The following CAMTA1 variants were observed in gnomAD, a reference collection of about 807,000 sequenced individuals.
CAMTA1 encodes the protein calmodulin-binding transcription activator 1.
In CAMTA1, 27 loss-of-function variants were observed where a neutral mutation model predicts 170.9. The ratio of observed to expected loss-of-function variants is 0.16; its 90% CI spans 0.12 to 0.22. The LOEUF is 0.22. Among genes scored for constraint, CAMTA1 ranks in the 10% least tolerant of loss-of-function variants. The pLI is 1.00. For synonymous variants in CAMTA1, 833 were observed against 891.5 expected (o/e 0.93, Z 1.17); for missense variants, 1,619 against 2,217.2 (o/e 0.73, Z 5.42).
In CAMTA1 at chr1:7,060,614, C is replaced by A. The variant is rs1474963116; in HGVS notation, c.235-30690C>A. On this transcript the variant is annotated intron_variant, in intron 3 of 22. Transcript: ENST00000303635. ...GTTGCTTTTCTGCCTGTACACGTGT[C>A]TTAGACCCCTTGGGAAAAGCACAAG... is the stretch of plus-strand genomic sequence containing the variant. Among the ~76,000 whole-genome samples the A allele has an allele frequency of 5.3e-5, 8 of 152,304 alleles. No homozygotes were observed. The South Asian group carries it at 1.7e-3, about 32-fold the overall frequency.
At chr1:7,340,372 G>T (rs1035567391) in intron 5 of CAMTA1, among the ~76,000 whole-genome samples, 2 of 152,068 alleles carry the variant, frequency 1.3e-5, no homozygotes, top group African/African-American at 4.8e-5. Flanking sequence ...CCAGGAAAAG[G>T]CATGTGAAGT....
chr1:7,375,408 G>A (rs1574993357), intron 5 of CAMTA1, among the ~76,000 whole-genome samples: 1 of 152,190 alleles, frequency 6.6e-6, no homozygotes, highest in Non-Finnish European at 1.5e-5. Context: ...CACCTCACCA[G>A]GCAGGAGCAA....
chr1:6,981,063 G>A (rs1008204845), intron 3 of CAMTA1, among the ~76,000 whole-genome samples: 2 of 152,076 alleles, frequency 1.3e-5, no homozygotes, highest in African/African-American at 2.4e-5. Flanking sequence ...GCACAGTCTC[G>A]GTGGCTCTGA....
At chr1:7,203,052 G>T (rs1314880705) in intron 4 of CAMTA1, among the ~76,000 whole-genome samples, 1 of 152,124 alleles carries the variant, frequency 6.6e-6, no homozygotes, top group East Asian at 1.9e-4. Flanking sequence ...TTTTCTTCTA[G>T]TTGGGTGTTT....
Position 7,736,206 on chromosome 1 carries a change from A to C in CAMTA1, c.3067-138A>C. On this transcript the variant is annotated intron_variant, in intron 12 of 22. Transcript: ENST00000303635. The surrounding 1 kb of genome is among the most constrained non-coding windows in gnomAD (Gnocchi z 4.5). ...AGGCATGATCCAGCATGCCCAGCCA[A>C]TGTTTCTTTATTTTCAGTGTTTTAT... 1.3e-6 allele frequency: 1 copy of C among 780,380 alleles called. No homozygotes were observed. The highest frequency in any genetic ancestry group is 2.0e-6 in the Non-Finnish European group (1 of 489,774). The allele number at this position is 780,380 out of a possible 1,614,324, so 48.3% of individuals were successfully genotyped here.
chr1:7,156,776 C>T (rs1646910464), intron 4 of CAMTA1, among the ~76,000 whole-genome samples: 1 of 152,166 alleles, frequency 6.6e-6, no homozygotes, highest in African/African-American at 2.4e-5. Flanking sequence ...TTTCAGATGA[C>T]CCGGATGGGC....
At chr1:7,032,396 A>G (rs1426888939) in intron 3 of CAMTA1, among the ~76,000 whole-genome samples, 16 of 152,122 alleles carry the variant, frequency 1.1e-4, no homozygotes, top group Non-Finnish European at 2.4e-4. Context: ...TTTAGCGTCC[A>G]TCTTTGACTT....
chr1:7,539,714 C>A (rs2094587343), intron 6 of CAMTA1, among the ~76,000 whole-genome samples: 1 of 152,230 alleles, frequency 6.6e-6, no homozygotes, highest in African/African-American at 2.4e-5. Context: ...AGTCTGCCCA[C>A]CTCCAAGATC....
At chr1:7,747,907 T>A in intron 19 of CAMTA1, 126 bp downstream of exon 19, 1 of 32,376 alleles carries the variant, frequency 3.1e-5, no homozygotes, top group Non-Finnish European at 7.1e-5. Flanking sequence ...TTTTTGGTTG[T>A]TTTTTTTTTT....
At chr1:7,112,662 A>G (rs113194908) in intron 4 of CAMTA1, among the ~76,000 whole-genome samples, 1 of 152,142 alleles carries the variant, frequency 6.6e-6, no homozygotes, top group Non-Finnish European at 1.5e-5. Flanking sequence ...GTAGGAGCAC[A>G]TTCTGGGGCC....
intron 6 of CAMTA1, among the ~76,000 whole-genome samples, chr1:7,596,015 T>C (rs951533199): frequency 2.0e-5 from 3 of 152,224 alleles, no homozygotes; most frequent in African/African-American, 7.2e-5. Flanking sequence ...GACCCCGGCT[T>C]CAGCAACAGC....
At chr1:7,566,964 G>A (rs1033712766) in intron 6 of CAMTA1, among the ~76,000 whole-genome samples, 11 of 152,220 alleles carry the variant, frequency 7.2e-5, no homozygotes, top group Admixed American at 3.9e-4. Flanking sequence ...ACAAGTGAGC[G>A]TAGCAGATCC....
chr1:7,327,684 A>T (rs1574706055), intron 5 of CAMTA1, among the ~76,000 whole-genome samples: 1 of 152,298 alleles, frequency 6.6e-6, no homozygotes, highest in East Asian at 1.9e-4. Flanking sequence ...GAAGGAGCAC[A>T]GCTCATGCAT....
In CAMTA1 at chr1:7,704,982, GCC is replaced by G. The variant is rs2096494225; in HGVS notation, c.2914+27250_2914+27251del. 4.1e-4 allele frequency among the ~76,000 whole-genome samples: 23 copies of G among 55,844 alleles called. 1 individual carries two copies. The South Asian group carries it at 0.019, about 46-fold the overall frequency. 36.6% of individuals were successfully genotyped at this position (55,844 alleles called of 152,430 possible). ...GGGGCGCGCGCGGGGCGGGGGCGGG[GCC>G]GGGGCGTGGGGACACGCGTGCTCGC... On this transcript the variant is annotated intron_variant, in intron 11 of 22. Transcript: ENST00000303635.
intron 4 of CAMTA1, among the ~76,000 whole-genome samples, chr1:7,097,651 A>G (rs918346832): frequency 3.3e-5 from 5 of 152,188 alleles, no homozygotes; most frequent in Admixed American, 3.3e-4. Context: ...AATTGCAAAA[A>G]CCATTTAAAA....
intron 10 of CAMTA1, among the ~76,000 whole-genome samples, chr1:7,675,852 G>C (rs1464886511): frequency 6.6e-6 from 1 of 152,168 alleles, no homozygotes; most frequent in Non-Finnish European, 1.5e-5. Flanking sequence ...GGGCTGCTGG[G>C]CTGGGACCCC....
At chr1:7,292,022 G>A (rs901866121) in intron 5 of CAMTA1, among the ~76,000 whole-genome samples, 2 of 152,290 alleles carry the variant, frequency 1.3e-5, no homozygotes, top group South Asian at 4.1e-4. Flanking sequence ...ATACTCTGAC[G>A]TTTATATTGA....
At chr1:7,339,812 G>A (rs935595876) in intron 5 of CAMTA1, among the ~76,000 whole-genome samples, 1 of 152,064 alleles carries the variant, frequency 6.6e-6, no homozygotes, top group Admixed American at 6.6e-5. Context: ...GGCCAGGCTG[G>A]TCTCAAACTC....
intron 5 of CAMTA1, among the ~76,000 whole-genome samples, chr1:7,436,599 A>G (rs1323253817): frequency 6.6e-6 from 1 of 152,152 alleles, no homozygotes; most frequent in Non-Finnish European, 1.5e-5. Context: ...CCTCCTTGCC[A>G]GGGCCTGGTC....
Sources: allele counts gnomAD v4.1 joint callset (sites outside exome capture counted in the v4.1 genomes callset), GRCh38; gene constraint gnomAD v4.1.1; non-coding constraint Gnocchi (gnomAD v3.1); transcripts MANE v1.5; gene names NCBI Gene and HGNC (gene_info 2026-07-23, HGNC 2026-07-21).